PGM1: variants seen among roughly 807,000 people sequenced by gnomAD.
The protein encoded by PGM1 is phosphoglucomutase-1.
Under a neutral mutation model 55.6 loss-of-function variants are expected in PGM1, and 52 were observed. That is an observed-to-expected ratio of 0.94 (90% confidence interval 0.75 to 1.18). The LOEUF is 1.18. Among genes scored for constraint, PGM1 ranks in the 50% most tolerant of loss-of-function variants. The pLI, the probability that PGM1 is intolerant of heterozygous loss-of-function variation, is 0.00. For synonymous variants in PGM1, 287 were observed against 271.7 expected (o/e 1.06, Z -0.55); for missense variants, 724 against 729.3 (o/e 0.99, Z 0.08).
At chr1:63,599,547 GCT>G (rs1341828541) in intron 1 of PGM1, among the ~76,000 whole-genome samples, 1 of 150,954 alleles carries the variant, frequency 6.6e-6, no homozygotes, top group Non-Finnish European at 1.5e-5. Context: ...GGGCATGGTG[GCT>G]TACCGCACTT....
rs764938324 is a variant in PGM1 at position 63,593,710 on chromosome 1, C to T, written c.222C>T (p.Ile74=). The T allele has an allele frequency of 1.3e-6, 2 of 1,599,060 alleles. No homozygotes were observed. Among genetic ancestry groups the T allele is most frequent in the Non-Finnish European group, 1.7e-6 (2 of 1,175,368 alleles). Residue 74 remains isoleucine (I), a synonymous_variant, in exon 1 of 11, where the codon ATC becomes ATT. Coordinates refer to ENST00000371084, the MANE Select transcript of PGM1 (RefSeq NM_002633.3). ...RFYMKEAIQL[I]ARIAAANGIG... is the part of the protein sequence containing the mutation. ...ACATGAAGGAGGCCATCCAGCTCAT[C>T]GCTCGCATCGCTGCCGCCAACGGGG...
intron 7 of PGM1, among the ~76,000 whole-genome samples, 180 bp downstream of exon 7, chr1:63,638,980 GC>G (rs1197354592): frequency 1.3e-5 from 2 of 152,086 alleles, no homozygotes; most frequent in African/African-American, 4.8e-5. Flanking sequence ...AGCACATTCA[GC>G]CAGAAAGGCT....
In PGM1 at chr1:63,631,644, CT is replaced by C. The variant is rs1460749342; in HGVS notation, c.557-11del. On this transcript the variant is annotated splice_polypyrimidine_tract_variant and intron_variant, in intron 3 of 10. Transcript: ENST00000371084. ...TTAATCCTTCCATCTTTTGATGTTGCTTGTTCTCACAGTGGAAATTGTGGAT... is the reference window on the plus strand; with the variant it reads ...TTAATCCTTCCATCTTTTGATGTTGCTGTTCTCACAGTGGAAATTGTGGAT... 2 of 1,611,690 alleles carry C rather than the reference CT, an allele frequency of 1.2e-6. No homozygotes were observed. The highest frequency in any genetic ancestry group is 2.7e-5 in the African/African-American group (2 of 74,836).
At chr1:63,595,230 ATCC>A (rs1328923737) in intron 1 of PGM1, among the ~76,000 whole-genome samples, 2 of 152,182 alleles carry the variant, frequency 1.3e-5, no homozygotes, top group African/African-American at 2.4e-5. Context: ...GGTCTCATTT[ATCC>A]TCCTGCAGCC....
intron 1 of PGM1, among the ~76,000 whole-genome samples, chr1:63,626,354 C>G (rs778380517): frequency 6.6e-6 from 1 of 152,110 alleles, no homozygotes; most frequent in Non-Finnish European, 1.5e-5. Context: ...AACTCTGTAC[C>G]CGTTACACAA....
intron 1 of PGM1, among the ~76,000 whole-genome samples, chr1:63,597,345 C>T (rs142550352): frequency 6.6e-6 from 1 of 152,150 alleles, no homozygotes; most frequent in Non-Finnish European, 1.5e-5. Flanking sequence ...TTGTTTCATC[C>T]ACAAAGGTTG....
At chr1:63,596,343 G>C (rs1200214960) in intron 1 of PGM1, among the ~76,000 whole-genome samples, 1 of 137,694 alleles carries the variant, frequency 7.3e-6, no homozygotes, top group East Asian at 2.1e-4. Context: ...TGCAACCTCT[G>C]CCTCCCAGGT....
chr1:63,653,254 C>T (rs1649870001), intron 9 of PGM1, among the ~76,000 whole-genome samples: 1 of 152,166 alleles, frequency 6.6e-6, no homozygotes, highest in African/African-American at 2.4e-5. Context: ...ATAGATAGAA[C>T]ATCTGCAATC....
intron 6 of PGM1, 77 bp from the exon 7 acceptor site, chr1:63,638,608 G>A (rs555129508): frequency 4.6e-5 from 41 of 896,528 alleles, no homozygotes; most frequent in East Asian, 3.8e-4. Context: ...TTACAATAAC[G>A]ATTGCCCTTT....
At chr1:63,643,962 A>T (rs1272725933) in intron 7 of PGM1, among the ~76,000 whole-genome samples, 1 of 152,178 alleles carries the variant, frequency 6.6e-6, no homozygotes, top group African/African-American at 2.4e-5. Flanking sequence ...AGACAGACAG[A>T]CACTGGTACT....
At chr1:63,652,352 C>T (rs1366331184) in intron 9 of PGM1, among the ~76,000 whole-genome samples, 2 of 152,174 alleles carry the variant, frequency 1.3e-5, no homozygotes, top group Admixed American at 6.5e-5. Context: ...GAAACGTTGA[C>T]CATCGTCATT....
chr1:63,628,231 C>T (rs1391414423), intron 1 of PGM1, among the ~76,000 whole-genome samples: 1 of 152,194 alleles, frequency 6.6e-6, no homozygotes, highest in Admixed American at 6.5e-5. Flanking sequence ...AAGCAGCCTA[C>T]TGACAGCATC....
intron 1 of PGM1, among the ~76,000 whole-genome samples, chr1:63,608,392 A>G (rs1305444087): frequency 6.6e-6 from 1 of 152,226 alleles, no homozygotes; most frequent in Non-Finnish European, 1.5e-5. Context: ...CAAAATGGCC[A>G]AATACCCGGC....
rs1161161385 is a variant in PGM1 at position 63,615,550 on chromosome 1, C to CTTTTTTTTT, written c.247-13853_247-13845dup. ...CCATTTCTCTCCTCTTCTTCTTCTT[C>CTTTTTTTTT]TTTTTTTTTTTTTTTTTTTTTTTTT... On this transcript the variant is annotated intron_variant, in intron 1 of 10. Transcript: ENST00000371084. Among the ~76,000 whole-genome samples, 439 of 62,986 alleles carry CTTTTTTTTT rather than the reference C, an allele frequency of 7.0e-3. 53 individuals carry two copies. The highest frequency in any genetic ancestry group is 0.015 in the East Asian group (24 of 1,620). The allele number at this position is 62,986 out of a possible 152,430, so 41.3% of individuals were successfully genotyped here. A position where few individuals can be genotyped will look rare whatever the true frequency, so the allele number is the denominator to read the frequency against.
intron 1 of PGM1, among the ~76,000 whole-genome samples, chr1:63,602,188 C>T (rs1049524421): frequency 6.6e-6 from 1 of 152,042 alleles, no homozygotes; most frequent in Admixed American, 6.5e-5. Context: ...TGGTTAATAG[C>T]ATGGAGAAAC....
intron 1 of PGM1, among the ~76,000 whole-genome samples, chr1:63,619,630 A>G (rs1314609766): frequency 6.6e-6 from 1 of 152,224 alleles, no homozygotes; most frequent in Non-Finnish European, 1.5e-5. Context: ...ACAAATTTCC[A>G]TAGTTCCCCA....
At chr1:63,632,165 C>G (rs1223132686) in intron 4 of PGM1, among the ~76,000 whole-genome samples, 1 of 151,998 alleles carries the variant, frequency 6.6e-6, no homozygotes, top group Non-Finnish European at 1.5e-5. Context: ...GCCCCACACC[C>G]CCACTCACCT....
intron 2 of PGM1, 117 bp downstream of exon 2, chr1:63,629,704 G>A: frequency 4.7e-6 from 5 of 1,067,550 alleles, no homozygotes; most frequent in South Asian, 2.6e-5. Flanking sequence ...GTAGGGAGGT[G>A]CTCTTTGCTT....
At chr1:63,628,936 T>A (rs946035488) in intron 1 of PGM1, among the ~76,000 whole-genome samples, 1 of 152,256 alleles carries the variant, frequency 6.6e-6, no homozygotes, top group Admixed American at 6.5e-5. Context: ...TGAGTCATTT[T>A]TCAATAATCT....
Sources: allele counts gnomAD v4.1 joint callset (sites outside exome capture counted in the v4.1 genomes callset), GRCh38; gene constraint gnomAD v4.1.1; transcripts MANE v1.5; gene names NCBI Gene and HGNC (gene_info 2026-07-23, HGNC 2026-07-21).